The following KAT2B variants were observed in gnomAD, a reference collection of about 807,000 sequenced individuals.
KAT2B encodes the protein lysine acetyltransferase 2B, also known as histone acetyltransferase KAT2B.
In KAT2B, 36 loss-of-function variants were observed where a neutral mutation model predicts 105.9. The ratio of observed to expected loss-of-function variants is 0.34; its 90% CI spans 0.26 to 0.45. The LOEUF (loss-of-function observed/expected upper bound fraction) is 0.45. Among genes scored for constraint, KAT2B ranks in the 20% least tolerant of loss-of-function variants. The pLI, the probability that KAT2B is intolerant of heterozygous loss-of-function variation, is 1.00. For missense variants in KAT2B, 820 were observed against 1,021.6 expected (o/e 0.80, Z 2.69); for synonymous variants, 397 against 377.9 (o/e 1.05, Z -0.59).
chr3:20,121,691 C>A (rs548043146), intron 8 of KAT2B, among the ~76,000 whole-genome samples: 1 of 145,750 alleles, frequency 6.9e-6, no homozygotes, highest in Non-Finnish European at 1.5e-5. Context: ...AAATATATAG[C>A]TATATATACA....
At chr3:20,146,501 A>G in intron 14 of KAT2B, 71 bp downstream of exon 14, 2 of 837,458 alleles carry the variant, frequency 2.4e-6, no homozygotes, top group Non-Finnish European at 4.1e-6. Context: ...AACAATTTCC[A>G]GAATGCAGTA....
chr3:20,069,980 G>T (rs1245060889), intron 1 of KAT2B, among the ~76,000 whole-genome samples: 3 of 152,174 alleles, frequency 2.0e-5, no homozygotes, highest in Admixed American at 6.5e-5. Context: ...CCTCTGAAGA[G>T]GTGGATGGTT....
chr3:20,135,710 G>A (rs1195707337), intron 11 of KAT2B, among the ~76,000 whole-genome samples: 3 of 152,108 alleles, frequency 2.0e-5, no homozygotes, highest in African/African-American at 7.2e-5. Context: ...ATTCAGTCAT[G>A]CCATATGAGG....
Position 20,121,732 on chromosome 3 carries a change from ATGTGTGTGTGTG to A in KAT2B, c.1277-896_1277-885del, listed in dbSNP as rs3840188. Among the ~76,000 whole-genome samples the A allele has an allele frequency of 1.8e-3, 201 of 109,844 alleles. 1 individual carries two copies. In the East Asian group the frequency reaches 0.022, roughly 12 times the overall value. 72.1% of individuals were successfully genotyped at this position (109,844 alleles called of 152,430 possible). ...TATATGCATACATACACATATGCATATGTGTGTGTGTGTGTGTGTGTGTGTGTGTGTGTGTGT... is the reference window on the plus strand; with the variant it reads ...TATATGCATACATACACATATGCATATGTGTGTGTGTGTGTGTGTGTGTGT... On this transcript the variant is annotated intron_variant, in intron 8 of 17. Coordinates refer to ENST00000263754, the MANE Select transcript of KAT2B (RefSeq NM_003884.5).
Position 20,114,862 on chromosome 3 carries a change from G to A in KAT2B, c.1044-20G>A, listed in dbSNP as rs754962896. 8.0e-7 allele frequency: 1 copy of A among 1,254,438 alleles called. No individual in the cohort carries two copies. The highest frequency in any genetic ancestry group is 1.1e-6 in the Non-Finnish European group (1 of 870,376). The allele number at this position is 1,254,438 out of a possible 1,614,324, so 77.7% of individuals were successfully genotyped here. A position where few individuals can be genotyped will look rare whatever the true frequency, so the allele number is the denominator to read the frequency against. On this transcript the variant is annotated intron_variant, in intron 6 of 17. Transcript: ENST00000263754. The stretch of plus-strand genomic sequence containing the variant: ...ACAGTAGTTTTTTTTTAATCTTATT[G>A]CTATTACTCTTGTGTCTAGATTTCT...
At chr3:20,079,770 T>TA (rs1336590246) in intron 2 of KAT2B, among the ~76,000 whole-genome samples, 16 of 152,190 alleles carry the variant, frequency 1.1e-4, no homozygotes, top group Admixed American at 3.9e-4. Context: ...GGGGCCCAGC[T>TA]AGCACAATGA....
intron 1 of KAT2B, among the ~76,000 whole-genome samples, chr3:20,041,952 T>C (rs1202529072): frequency 6.6e-6 from 1 of 152,242 alleles, no homozygotes; most frequent in Non-Finnish European, 1.5e-5. Context: ...CTATGCTTGC[T>C]CTTTTTCCAC....
At chr3:20,135,390 C>A (rs982668158) in intron 11 of KAT2B, among the ~76,000 whole-genome samples, 1 of 152,134 alleles carries the variant, frequency 6.6e-6, no homozygotes, top group Non-Finnish European at 1.5e-5. Context: ...CGCGGTGGCT[C>A]ACGCCTGTAA....
chr3:20,100,534 T>G (rs912861759), intron 4 of KAT2B, among the ~76,000 whole-genome samples: 1 of 152,168 alleles, frequency 6.6e-6, no homozygotes, highest in Admixed American at 6.5e-5. Flanking sequence ...CTTTGATTGT[T>G]TGGCTAAACA....
At chr3:20,092,761 G>A (rs1345171204) in intron 2 of KAT2B, among the ~76,000 whole-genome samples, 2 of 152,094 alleles carry the variant, frequency 1.3e-5, no homozygotes, top group East Asian at 3.9e-4. Context: ...GAGTGCACTG[G>A]TGTGATGTCG....
At chr3:20,044,309 C>T (rs1228841346) in intron 1 of KAT2B, among the ~76,000 whole-genome samples, 2 of 151,462 alleles carry the variant, frequency 1.3e-5, no homozygotes, top group Non-Finnish European at 2.9e-5. Flanking sequence ...AGTGAGACTT[C>T]GTCTCTACAA....
At chr3:20,053,151 G>A (rs1019991840) in intron 1 of KAT2B, among the ~76,000 whole-genome samples, 11 of 152,088 alleles carry the variant, frequency 7.2e-5, no homozygotes, top group African/African-American at 2.7e-4. Context: ...TGGCCTGAAC[G>A]TCTCCTACAA....
chr3:20,094,344 G>A (rs1191204047), intron 2 of KAT2B, among the ~76,000 whole-genome samples: 1 of 152,036 alleles, frequency 6.6e-6, no homozygotes, highest in Non-Finnish European at 1.5e-5. Context: ...GAACAGCATG[G>A]GGGAAACTGC....
intron 17 of KAT2B, among the ~76,000 whole-genome samples, chr3:20,149,775 T>C (rs1699840659): frequency 6.6e-6 from 1 of 152,202 alleles, no homozygotes; most frequent in Admixed American, 6.5e-5. Context: ...TGACTCAGTC[T>C]AGAATTCTGA....
Position 20,062,098 on chromosome 3 carries a change from CATATAAT to C in KAT2B, c.304-10229_304-10223del, listed in dbSNP as rs1370100207. Among the ~76,000 whole-genome samples, 66 of 74,556 alleles carry C rather than the reference CATATAAT, an allele frequency of 8.9e-4. 2 individuals are homozygous for C. The highest frequency in any genetic ancestry group is 2.3e-3 in the Admixed American group (10 of 4,318). The allele number at this position is 74,556 out of a possible 152,430, so 48.9% of individuals were successfully genotyped here. On this transcript the variant is annotated intron_variant, in intron 1 of 17. Transcript: ENST00000263754. ...CATATAATATATATTATATATAAAA[CATATAAT>C]ATATATTATATAAAACATATATATA...
rs1698786093 is a variant in KAT2B at position 20,095,122 on chromosome 3, G to A, written c.431-141G>A. On this transcript the variant is annotated intron_variant, in intron 2 of 17. Coordinates refer to ENST00000263754, the MANE Select transcript of KAT2B (RefSeq NM_003884.5). ...TTGTGAGAAGACTTCAGTCCTACAG[G>A]AGTTCAGAAATTTTCTCTTATTACC... 1.9e-5 allele frequency: 12 copies of A among 624,508 alleles called. No individual in the cohort carries two copies. In the South Asian group the frequency reaches 2.8e-4, roughly 15 times the overall value. The allele number at this position is 624,508 out of a possible 1,614,324, so 38.7% of individuals were successfully genotyped here.
At chr3:20,080,829 A>G (rs756001338) in intron 2 of KAT2B, among the ~76,000 whole-genome samples, 1 of 152,238 alleles carries the variant, frequency 6.6e-6, no homozygotes, top group South Asian at 2.1e-4. Flanking sequence ...TTGCATACGT[A>G]TTGAAAGAAT....
chr3:20,152,047 C>A (rs1699877588), intron 17 of KAT2B, among the ~76,000 whole-genome samples: 1 of 152,116 alleles, frequency 6.6e-6, no homozygotes, highest in East Asian at 1.9e-4. Flanking sequence ...TGTTGCTAAT[C>A]TACTTAGCTT....
At chr3:20,145,538 G>A (rs1279756100) in intron 13 of KAT2B, among the ~76,000 whole-genome samples, 7 of 139,324 alleles carry the variant, frequency 5.0e-5, no homozygotes, top group Non-Finnish European at 9.4e-5. Flanking sequence ...TTTAATTTCC[G>A]GATGGGATTT....
Sources: gnomAD v4.1 joint callset for allele counts (sites outside exome capture counted in the v4.1 genomes callset) on GRCh38, gnomAD v4.1.1 for gene constraint, MANE v1.5 for transcripts, NCBI Gene and HGNC (gene_info 2026-07-23, HGNC 2026-07-21) for gene names.